The following SAXO2 variants were observed in gnomAD, a reference collection of about 807,000 sequenced individuals.
The protein encoded by SAXO2 is family with sequence similarity 154, member B.
A neutral mutation model predicts 18.7 loss-of-function variants in SAXO2; 17 were observed. That is an observed-to-expected ratio of 0.91 (90% CI 0.62 to 1.36). SAXO2 has a LOEUF of 1.36. SAXO2 is among the 40% of genes most tolerant of loss of function. SAXO2 has a pLI of 0.00. For missense variants in SAXO2, 486 were observed against 562.6 expected (o/e 0.86, Z 1.38); for synonymous variants, 163 against 181.2 (o/e 0.90, Z 0.81).
chr15:82,284,861 A>G lies in SAXO2; in HGVS notation c.*1799A>G, dbSNP rs2075397261. ...GTTCTTTACATTTATTAGTAAAAGTATGGTGTGTGAAACTATATTTCCATG... is the reference window on the plus strand; with the variant it reads ...GTTCTTTACATTTATTAGTAAAAGTGTGGTGTGTGAAACTATATTTCCATG... On this transcript the variant is annotated 3_prime_UTR_variant, in exon 4 of 4. Coordinates refer to ENST00000682753, the MANE Select transcript of SAXO2 (RefSeq NM_001348699.2). 6.6e-6 allele frequency: 1 copy of G among 152,234 alleles called. No homozygotes were observed. Among genetic ancestry groups the G allele is most frequent in the Admixed American group, 6.5e-5 (1 of 15,288 alleles). 9.4% of individuals were successfully genotyped at this position (152,234 alleles called of 1,614,324 possible).
chr15:82,262,850 T>C lies in SAXO2; in HGVS notation c.-30T>C, dbSNP rs1292415763. 4.5e-6 allele frequency: 7 copies of C among 1,567,310 alleles called. No homozygotes were observed. Among genetic ancestry groups the C allele is most frequent in the Non-Finnish European group, 5.2e-6 (6 of 1,156,552 alleles). ...GCGGGCGCTGTGGGAGTGGAGAAGC[T>C]GCAAGTGCTGAGGCGCGGTGGAGGA... On this transcript the variant is annotated 5_prime_UTR_variant, in exon 1 of 4. Transcript: ENST00000682753.
chr15:82,275,526 C>A (rs758718286), intron 3 of SAXO2, among the ~76,000 whole-genome samples: 4 of 152,034 alleles, frequency 2.6e-5, no homozygotes, highest in Non-Finnish European at 4.4e-5. Context: ...CAAAAATCCT[C>A]AAAAAATACT....
Position 82,282,155 on chromosome 15 carries a change from T to A in SAXO2, c.470T>A (p.Leu157His). Residue 157 changes from leucine to histidine, a missense_variant, in exon 4 of 4, where the codon CTT (leucine) becomes CAT (histidine). Coordinates refer to ENST00000682753, the MANE Select transcript of SAXO2 (RefSeq NM_001348699.2). The stretch of plus-strand genomic sequence containing the variant: ...GCTTGGGACCTTCATAAAAGTGAAC[T>A]TTATAAGCCAGAACAAACTTACCAC... ...YRAWDLHKSE[L>H]YKPEQTYHPP... The A allele has an allele frequency of 6.2e-7, 1 of 1,613,008 alleles. No homozygotes were observed. Among genetic ancestry groups the A allele is most frequent in the Non-Finnish European group, 8.5e-7 (1 of 1,179,634 alleles).
intron 3 of SAXO2, among the ~76,000 whole-genome samples, chr15:82,281,633 T>C (rs960549423): frequency 6.6e-6 from 1 of 152,166 alleles, no homozygotes; most frequent in Non-Finnish European, 1.5e-5. Flanking sequence ...TTGATGAGTC[T>C]CTCCAAAGCA....
At position 82,283,066 on chromosome 15, in the gene SAXO2, C is replaced by T; in HGVS notation, c.*4C>T. On this transcript the variant is annotated 3_prime_UTR_variant, in exon 4 of 4. Coordinates refer to ENST00000682753, the MANE Select transcript of SAXO2 (RefSeq NM_001348699.2). ...TCCTGCAGTGAAGGCCTTCTAATAA[C>T]CAAAATGTGCTTAAAAGGAAGGTAC... 6.3e-7 allele frequency: 1 copy of T among 1,578,174 alleles called. No homozygotes were observed. The highest frequency in any genetic ancestry group is 1.7e-4 in the Middle Eastern group (1 of 5,900).
In SAXO2 at chr15:82,271,688, G is replaced by C. The variant is rs750740439; in HGVS notation, c.319G>C (p.Gly107Arg). The change falls in exon 3 of 4, where the codon GGT (glycine) becomes CGT (arginine). Residue 107 changes from glycine (G) to arginine (R), a missense_variant. Physicochemically the swap from Gly to Arg is moderately radical, Grantham distance 125. Coordinates refer to ENST00000682753, the MANE Select transcript of SAXO2 (RefSeq NM_001348699.2). ...YKPKQGKIDL[G>R]TTYKRDLNSY... Reference sequence around the variant, plus strand: ...ACCAAAACAAGGGAAGATTGATCTTGGTACTACCTACAAACGGGATTTGAA... The same window carrying C: ...ACCAAAACAAGGGAAGATTGATCTTCGTACTACCTACAAACGGGATTTGAA... 1.2e-6 allele frequency: 2 copies of C among 1,613,958 alleles called. No homozygotes were observed. The highest frequency in any genetic ancestry group is 1.7e-6 in the Non-Finnish European group (2 of 1,179,966).
chr15:82,274,899 A>C (rs1596034249), intron 3 of SAXO2, among the ~76,000 whole-genome samples: 1 of 152,048 alleles, frequency 6.6e-6, no homozygotes, highest in East Asian at 1.9e-4. Flanking sequence ...AACTAAACCC[A>C]AAGCTAGCAG....
At chr15:82,275,281 C>CAAAAAAAAA (rs756023248) in intron 3 of SAXO2, among the ~76,000 whole-genome samples, 18 of 45,896 alleles carry the variant, frequency 3.9e-4, no homozygotes, top group African/African-American at 7.2e-4. Context: ...ACCTATCAAC[C>CAAAAAAAAA]AAAAAAAAAA....
chr15:82,275,083 T>A (rs1387300680), intron 3 of SAXO2, among the ~76,000 whole-genome samples: 2 of 151,594 alleles, frequency 1.3e-5, no homozygotes, highest in African/African-American at 4.8e-5. Context: ...AAAAGTGACA[T>A]CACAATTGAT....
chr15:82,270,254 T>C (rs2075258455), intron 2 of SAXO2, among the ~76,000 whole-genome samples: 1 of 152,168 alleles, frequency 6.6e-6, no homozygotes, highest in Admixed American at 6.5e-5. Flanking sequence ...AACGCTAACA[T>C]GTATTTAATG....
rs2075394856 is a variant in SAXO2, at chr15:82,284,593, G to A, written c.*1531G>A. ...GTGTGAAGATAAGTGATAAGGTAAA[G>A]AATGATGCCAGTAAGTATAGTAGAA... On this transcript the variant is annotated 3_prime_UTR_variant, in exon 4 of 4. Transcript: ENST00000682753. The A allele has an allele frequency of 1.3e-5, 2 of 152,100 alleles. No homozygotes were observed. Among genetic ancestry groups the A allele is most frequent in the South Asian group, 4.1e-4 (2 of 4,820 alleles). 9.4% of individuals were successfully genotyped at this position (152,100 alleles called of 1,614,324 possible). A position where few individuals can be genotyped will look rare whatever the true frequency, so the allele number is the denominator to read the frequency against.
At chr15:82,271,337 C>T (rs924331294) in intron 2 of SAXO2, among the ~76,000 whole-genome samples, 2 of 151,924 alleles carry the variant, frequency 1.3e-5, no homozygotes, top group Admixed American at 6.6e-5. Context: ...ACTGAAGATC[C>T]GATTAACTGA....
Position 82,281,995 on chromosome 15 carries a change from A to G in SAXO2, c.434-124A>G, listed in dbSNP as rs191931562. On this transcript the variant is annotated intron_variant, in intron 3 of 3. Transcript: ENST00000682753. Reference sequence around the variant, plus strand: ...ATCAGAGAAACTGTATTCTGATACTATTGTTTAGATTTCTAAAGGAAATGG... The same window carrying G: ...ATCAGAGAAACTGTATTCTGATACTGTTGTTTAGATTTCTAAAGGAAATGG... 6.1e-5 allele frequency: 47 copies of G among 775,114 alleles called. No homozygotes were observed. In the African/African-American group the frequency reaches 6.2e-4, roughly 10 times the overall value. 48.0% of individuals were successfully genotyped at this position (775,114 alleles called of 1,614,324 possible).
At chr15:82,263,272 C>T (rs1342168608) in intron 1 of SAXO2, 13 of 1,358,930 alleles carry the variant, frequency 9.6e-6, no homozygotes, top group Non-Finnish European at 1.2e-5. Context: ...GCATTTCCAC[C>T]CCATAATCCC....
At chr15:82,281,022 T>G (rs2075358203) in intron 3 of SAXO2, among the ~76,000 whole-genome samples, 1 of 152,186 alleles carries the variant, frequency 6.6e-6, no homozygotes, top group Non-Finnish European at 1.5e-5. Context: ...ACATAATAAG[T>G]TTTCAAAGTT....
chr15:82,274,931 C>T (rs1678867301), intron 3 of SAXO2, among the ~76,000 whole-genome samples: 1 of 151,648 alleles, frequency 6.6e-6, no homozygotes, highest in South Asian at 2.1e-4. Context: ...AAAGTCAGAG[C>T]AGAACTGAAT....
At chr15:82,268,947 C>A (rs1345648327) in intron 2 of SAXO2, among the ~76,000 whole-genome samples, 5 of 152,202 alleles carry the variant, frequency 3.3e-5, no homozygotes, top group Non-Finnish European at 5.9e-5. Context: ...CTTCCTGATT[C>A]TCTCACTTCC....
At chr15:82,271,273 C>T (rs185674835) in intron 2 of SAXO2, among the ~76,000 whole-genome samples, 2 of 152,048 alleles carry the variant, frequency 1.3e-5, no homozygotes, top group Admixed American at 1.3e-4. Context: ...GTAAATTTTA[C>T]CTGAAATTTC....
In SAXO2 at chr15:82,282,532, C is replaced by A. The variant is rs768389400; in HGVS notation, c.847C>A (p.Gln283Lys). The A allele has an allele frequency of 2.0e-5, 32 of 1,614,132 alleles. No individual in the cohort carries two copies. Among genetic ancestry groups the A allele is most frequent in the Non-Finnish European group, 2.6e-5 (31 of 1,180,018 alleles). The change falls in exon 4 of 4, where the codon CAA (glutamine) becomes AAA (lysine). Residue 283 changes from glutamine to lysine, a missense_variant. By Grantham distance (53) the Gln-to-Lys change is moderately conservative. Coordinates refer to ENST00000682753, the MANE Select transcript of SAXO2 (RefSeq NM_001348699.2). ...EGSTEFRESFQPWEIPPPEVK... is the reference protein window; with the variant it reads ...EGSTEFRESFKPWEIPPPEVK... ...AAGCACTGAATTCCGTGAAAGTTTTCAACCATGGGAAATCCCACCACCTGA... is the reference window on the plus strand; with the variant it reads ...AAGCACTGAATTCCGTGAAAGTTTTAAACCATGGGAAATCCCACCACCTGA...
Sources: allele counts gnomAD v4.1 joint callset (sites outside exome capture counted in the v4.1 genomes callset), GRCh38; gene constraint gnomAD v4.1.1; transcripts MANE v1.5; gene names NCBI Gene and HGNC (gene_info 2026-07-23, HGNC 2026-07-21).